The following NDST4 variants were observed in gnomAD, a reference collection of about 807,000 sequenced individuals.
NDST4 encodes the protein N-heparan sulfate sulfotransferase 4.
NDST4 carries 63 observed loss-of-function variants against 100.8 expected under a neutral mutation model. That is an observed-to-expected ratio of 0.62 (90% CI 0.51 to 0.77). NDST4 has a LOEUF of 0.77. NDST4 is among the 30% of genes least tolerant of loss of function. The pLI is 0.00. For synonymous variants in NDST4, 377 were observed against 361.8 expected, an observed-to-expected ratio of 1.04 and a Z score of -0.48; for missense variants, 943 against 1,018.4, an observed-to-expected ratio of 0.93 and a Z score of 1.01.
intron 6 of NDST4, among the ~76,000 whole-genome samples, chr4:114,896,640 A>AAT (rs1724720634): frequency 6.8e-6 from 1 of 147,756 alleles, no homozygotes; most frequent in African/African-American, 2.5e-5. Flanking sequence ...AAAAAAAAAA[A>AAT]TTTGCTTTGG....
chr4:114,948,375 C>T (rs916740311), intron 4 of NDST4, among the ~76,000 whole-genome samples: 1 of 148,848 alleles, frequency 6.7e-6, no homozygotes, highest in African/African-American at 2.5e-5. Context: ...TTTTGTGGAA[C>T]CTTTACTACC....
intron 6 of NDST4, among the ~76,000 whole-genome samples, chr4:114,881,184 A>AG (rs1481563914): frequency 6.6e-6 from 1 of 152,072 alleles, no homozygotes; most frequent in Non-Finnish European, 1.5e-5. Context: ...GTGTCTTATG[A>AG]AGAAGAGTGA....
chr4:114,837,186 G>T (rs1723323071), intron 11 of NDST4, among the ~76,000 whole-genome samples: 1 of 152,066 alleles, frequency 6.6e-6, no homozygotes. Flanking sequence ...TCATTTGGAG[G>T]AGAAGAGGCA....
intron 2 of NDST4, among the ~76,000 whole-genome samples, chr4:115,034,255 C>G (rs1728185424): frequency 6.6e-6 from 1 of 152,080 alleles, no homozygotes. Context: ...GAGACATCCA[C>G]TGGTTGTTTA....
At chr4:114,860,886 A>G (rs1365839970) in intron 7 of NDST4, among the ~76,000 whole-genome samples, 1 of 152,184 alleles carries the variant, frequency 6.6e-6, no homozygotes, top group African/African-American at 2.4e-5. Context: ...ATAAAAACAA[A>G]ATTTCAAGGA....
intron 2 of NDST4, among the ~76,000 whole-genome samples, chr4:115,057,702 G>A (rs889621330): frequency 3.4e-5 from 5 of 147,248 alleles, no homozygotes; most frequent in Non-Finnish European, 3.0e-5. Flanking sequence ...GCGTGCGCAC[G>A]CACACACACA....
At chr4:115,056,541 G>C (rs889308506) in intron 2 of NDST4, among the ~76,000 whole-genome samples, 5 of 151,952 alleles carry the variant, frequency 3.3e-5, no homozygotes, top group Non-Finnish European at 7.4e-5. Context: ...ATTTCATAAA[G>C]CATTGTGAAA....
chr4:114,837,222 T>C (rs752699792), intron 11 of NDST4, among the ~76,000 whole-genome samples: 7 of 152,146 alleles, frequency 4.6e-5, no homozygotes, highest in Non-Finnish European at 1.0e-4. Context: ...TTTTCATCAT[T>C]TTTGCACTGG....
At chr4:115,111,716 A>G (rs1376791740) in intron 1 of NDST4, among the ~76,000 whole-genome samples, 1 of 151,682 alleles carries the variant, frequency 6.6e-6, no homozygotes, top group Non-Finnish European at 1.5e-5. Flanking sequence ...TAACTCATAT[A>G]TATTATAACT....
At position 114,839,475 on chromosome 4, in the gene NDST4, G is replaced by C; in HGVS notation, c.2189C>G (p.Ala730Gly). 1 of 1,613,990 alleles carries C rather than the reference G, an allele frequency of 6.2e-7. No homozygotes were observed. The highest frequency in any genetic ancestry group is 8.5e-7 in the Non-Finnish European group (1 of 1,179,946). Residue 730 changes from alanine to glycine, a missense_variant, in exon 11 of 14, where the codon GCT (alanine) becomes GGT (glycine). Ala to Gly is a moderately conservative substitution (Grantham distance 60). This residue lies in a region of NDST4 where 526 missense variants were observed against 634.1 expected (regional missense o/e 0.83). Transcript: ENST00000264363. ...FYEVISTGHWAPSDLKTLQRR... is the reference protein window; with the variant it reads ...FYEVISTGHWGPSDLKTLQRR... ...CTGCAAAGTTTTTAAGTCAGATGGA[G>C]CCCAATGTCCTGTTGAAATAACTTC...
intron 5 of NDST4, 147 bp downstream of exon 5, chr4:114,937,171 T>C (rs1725647550): frequency 2.3e-6 from 2 of 851,808 alleles, no homozygotes; most frequent in South Asian, 1.7e-5. Context: ...GGTTAATGCA[T>C]AACCAGTCAC....
At chr4:114,911,469 A>T (rs1278880916) in intron 6 of NDST4, among the ~76,000 whole-genome samples, 1 of 152,042 alleles carries the variant, frequency 6.6e-6, no homozygotes, top group Non-Finnish European at 1.5e-5. Flanking sequence ...AAATAACTCT[A>T]TTTCTTTATT....
intron 7 of NDST4, among the ~76,000 whole-genome samples, chr4:114,867,646 TA>T (rs761173470): frequency 0.081 from 2,169 of 26,628 alleles, 31 homozygotes; most frequent in African/African-American, 0.15. Flanking sequence ...ATGAGAATTA[TA>T]AAAAAAAAAA....
At chr4:115,094,427 T>C (rs1729580580) in intron 1 of NDST4, among the ~76,000 whole-genome samples, 1 of 152,042 alleles carries the variant, frequency 6.6e-6, no homozygotes, top group Non-Finnish European at 1.5e-5. Context: ...ATAATGTTGA[T>C]TGTAATAAAT....
chr4:114,927,698 GA>G (rs1349038546), intron 6 of NDST4, among the ~76,000 whole-genome samples: 1 of 151,930 alleles, frequency 6.6e-6, no homozygotes, highest in Non-Finnish European at 1.5e-5. Flanking sequence ...ACTAAGTACA[GA>G]AAACTATCAA....
At chr4:114,831,100 C>T (rs1320241926) in intron 12 of NDST4, among the ~76,000 whole-genome samples, 2 of 151,058 alleles carry the variant, frequency 1.3e-5, no homozygotes, top group Admixed American at 6.6e-5. Context: ...GGCCGGACTG[C>T]GGACTGCAGT....
At chr4:114,893,589 T>C (rs993907318) in intron 6 of NDST4, among the ~76,000 whole-genome samples, 25 of 145,184 alleles carry the variant, frequency 1.7e-4, no homozygotes, top group African/African-American at 6.7e-4. Context: ...TTCTGATGTG[T>C]TTTTTTTTTC....
intron 6 of NDST4, among the ~76,000 whole-genome samples, chr4:114,898,976 A>G (rs1332671416): frequency 2.0e-5 from 3 of 151,980 alleles, no homozygotes; most frequent in African/African-American, 7.3e-5. Flanking sequence ...AAACAAAGAC[A>G]GTTTTATTTT....
At chr4:114,847,760 T>C (rs1037781266) in intron 9 of NDST4, among the ~76,000 whole-genome samples, 2 of 152,232 alleles carry the variant, frequency 1.3e-5, no homozygotes, top group African/African-American at 4.8e-5. Flanking sequence ...ATTATTTGCA[T>C]GACAAATATC....
Sources: allele counts gnomAD v4.1 joint callset (sites outside exome capture counted in the v4.1 genomes callset), GRCh38; gene constraint gnomAD v4.1.1; regional missense constraint gnomAD v4.1.1; transcripts MANE v1.5; gene names NCBI Gene and HGNC (gene_info 2026-07-23, HGNC 2026-07-21).